EIF3K: variants seen among roughly 807,000 people sequenced by gnomAD.
EIF3K encodes eIF-3 p28.
Under a neutral mutation model 34.2 loss-of-function variants are expected in EIF3K, and 27 were observed. The ratio of observed to expected loss-of-function variants is 0.79; its 90% CI spans 0.58 to 1.09. The LOEUF (loss-of-function observed/expected upper bound fraction) is 1.09. Ranked by LOEUF, EIF3K falls within the 50% of genes least tolerant of loss-of-function variation. EIF3K has a pLI of 0.00. For synonymous variants in EIF3K, 105 were observed against 105.7 expected (o/e 0.99, Z 0.04); for missense variants, 232 against 275.4 (o/e 0.84, Z 1.11).
intron 7 of EIF3K, 50 bp from the exon 8 acceptor site, chr19:38,636,810 ATTGTGGGTGCTGTAGCAGGTGGCTGGAGG>A: frequency 6.5e-7 from 1 of 1,536,544 alleles, no homozygotes; most frequent in Non-Finnish European, 9.0e-7. Context: ...CCCCTAAAGA[ATTGTGGGTGCTGTAGCAGGTGGCTGGAGG>A]TTTGTCTCCC....
intron 4 of EIF3K, among the ~76,000 whole-genome samples, chr19:38,626,623 G>T (rs1019192792): frequency 1.3e-5 from 2 of 152,174 alleles, no homozygotes; most frequent in African/African-American, 4.8e-5. Flanking sequence ...GGGCAACAGA[G>T]CAAGACCCTG....
chr19:38,630,244 C>G (rs1418873281), intron 4 of EIF3K, among the ~76,000 whole-genome samples: 1 of 150,776 alleles, frequency 6.6e-6, no homozygotes, highest in East Asian at 1.9e-4. Flanking sequence ...ACCTCTGCCT[C>G]CCAGGTTCAA....
In EIF3K at chr19:38,632,676, C is replaced by T. The variant is rs375272283; in HGVS notation, c.497C>T (p.Ser166Leu). The T allele has an allele frequency of 4.9e-5, 79 of 1,611,522 alleles. No individual in the cohort carries two copies. The highest frequency in any genetic ancestry group is 5.9e-5 in the Non-Finnish European group (70 of 1,178,784). ...WLLAEMLGDL[S>L]DSQLKVWMSK... ...CTGGCCGAGATGCTCGGGGATCTGT[C>T]GGGTAACGCCCTCTGGGTCCTGGTG... The change falls in exon 6 of 8, where the codon TCG (serine) becomes TTG (leucine). Residue 166 changes from serine (S) to leucine (L), a missense_variant and splice_region_variant. Ser to Leu is a moderately radical substitution (Grantham distance 145, BLOSUM62 -2). Transcript: ENST00000248342.
chr19:38,636,884 C>A lies in EIF3K; in HGVS notation c.626-5C>A. On this transcript the variant is annotated splice_polypyrimidine_tract_variant and splice_region_variant and intron_variant, in intron 7 of 7. Coordinates refer to ENST00000248342, the MANE Select transcript of EIF3K (RefSeq NM_013234.4). ...ACCTTCAGTCTGGTCTCTCCTTCCC[C>A]ACAGGTGTGTCCAGCATCATGGCCT... 5 of 1,614,130 alleles carry A rather than the reference C, an allele frequency of 3.1e-6. No homozygotes were observed. The highest frequency in any genetic ancestry group is 3.4e-6 in the Non-Finnish European group (4 of 1,180,014).
intron 3 of EIF3K, among the ~76,000 whole-genome samples, chr19:38,625,720 G>A (rs149219415): frequency 5.6e-4 from 85 of 151,886 alleles, no homozygotes; most frequent in African/African-American, 2.0e-3. Context: ...ATGTTGGCCA[G>A]GCTGGTGTCG....
intron 6 of EIF3K, among the ~76,000 whole-genome samples, chr19:38,634,591 C>T (rs1447407829): frequency 6.6e-6 from 1 of 151,294 alleles, no homozygotes; most frequent in Non-Finnish European, 1.5e-5. Flanking sequence ...AGAGCAAAAA[C>T]TCCGTCTCAA....
At position 38,620,326 on chromosome 19, in the gene EIF3K, T is replaced by G. The variant is rs2232998; in HGVS notation, c.60-11T>G. 2.9e-3 allele frequency: 4,653 copies of G among 1,612,894 alleles called. 139 individuals are homozygous for G. In the African/African-American group the frequency reaches 0.056, roughly 19 times the overall value. On this transcript the variant is annotated splice_polypyrimidine_tract_variant and intron_variant, in intron 1 of 7. Coordinates refer to ENST00000248342, the MANE Select transcript of EIF3K (RefSeq NM_013234.4). Reference sequence around the variant, plus strand: ...TCTCCTCTGTGCTCACCTATCTTGATTCTCCTTTAGGTACAATCCTGAGAA... The same window carrying G: ...TCTCCTCTGTGCTCACCTATCTTGAGTCTCCTTTAGGTACAATCCTGAGAA...
At chr19:38,633,420 C>T (rs950734783) in intron 6 of EIF3K, among the ~76,000 whole-genome samples, 14 of 152,144 alleles carry the variant, frequency 9.2e-5, no homozygotes, top group African/African-American at 1.2e-4. Context: ...TAAGGAAGGC[C>T]GGGTGCGGTG....
Position 38,626,114 on chromosome 19 carries a change from G to A in EIF3K, c.354+12G>A, listed in dbSNP as rs773032039. The A allele has an allele frequency of 3.7e-6, 6 of 1,613,500 alleles. No homozygotes were observed. The highest frequency in any genetic ancestry group is 3.3e-5 in the South Asian group (3 of 91,068). On this transcript the variant is annotated intron_variant, in intron 4 of 7. Coordinates refer to ENST00000248342, the MANE Select transcript of EIF3K (RefSeq NM_013234.4). ...TCCAGGCCTTCTGGGTAACTTCCCT[G>A]GGGTCCAGGGGCAGGGGAGATGGCA...
intron 2 of EIF3K, among the ~76,000 whole-genome samples, chr19:38,621,809 T>C (rs1466081265): frequency 1.3e-5 from 2 of 152,176 alleles, no homozygotes; most frequent in African/African-American, 4.8e-5. Flanking sequence ...CTGCAGTTTG[T>C]TGTCATGGAT....
At chr19:38,625,906 A>C (rs895348381) in intron 3 of EIF3K, 122 bp from the exon 4 acceptor site, 25 of 903,880 alleles carry the variant, frequency 2.8e-5, no homozygotes, top group Non-Finnish European at 4.4e-5. Flanking sequence ...TTCCTTTTCC[A>C]GCTGTTTTTC....
At chr19:38,624,048 G>T (rs757010850) in intron 2 of EIF3K, 29 bp from the exon 3 acceptor site, 1 of 1,613,780 alleles carries the variant, frequency 6.2e-7, no homozygotes, top group Admixed American at 1.7e-5. Context: ...AGGTGCCACT[G>T]TGGCCACGTC....
chr19:38,632,693 G>C lies in EIF3K; in HGVS notation c.499+15G>C, dbSNP rs1191392846. 6.2e-7 allele frequency: 1 copy of C among 1,604,826 alleles called. No individual in the cohort carries two copies. Among genetic ancestry groups the C allele is most frequent in the East Asian group, 2.2e-5 (1 of 44,828 alleles). On this transcript the variant is annotated intron_variant, in intron 6 of 7. Coordinates refer to ENST00000248342, the MANE Select transcript of EIF3K (RefSeq NM_013234.4). ...GGATCTGTCGGGTAACGCCCTCTGG[G>C]TCCTGGTGCACATCTGGGAGGTTGG...
Position 38,628,098 on chromosome 19 carries a change from T to G in EIF3K, c.354+1996T>G, listed in dbSNP as rs528121334. ...TTTGTATTTTTAGTAGAGACGGGGT[T>G]TCACCATGTTGGCCAGGCTGGTCTC... On this transcript the variant is annotated intron_variant, in intron 4 of 7. Transcript: ENST00000248342. Among the ~76,000 whole-genome samples the G allele has an allele frequency of 9.1e-4, 139 of 152,070 alleles. 1 individual carries two copies. The highest frequency in any genetic ancestry group is 5.6e-3 in the Admixed American group (85 of 15,266).
intron 4 of EIF3K, among the ~76,000 whole-genome samples, chr19:38,626,949 C>T (rs188542657): frequency 7.9e-5 from 12 of 152,172 alleles, no homozygotes; most frequent in African/African-American, 2.6e-4. Context: ...TACAGGCACA[C>T]GCCATCATGC....
chr19:38,627,905 C>CTT (rs60551864), intron 4 of EIF3K, among the ~76,000 whole-genome samples: 1 of 140,248 alleles, frequency 7.1e-6, no homozygotes, highest in Admixed American at 7.2e-5. Flanking sequence ...ATTTTCTTTC[C>CTT]TTTTTTTTTT....
intron 4 of EIF3K, among the ~76,000 whole-genome samples, chr19:38,626,661 T>G (rs1975957804): frequency 6.6e-6 from 1 of 152,164 alleles, no homozygotes; most frequent in Non-Finnish European, 1.5e-5. Context: ...TCTCCGTCTC[T>G]TCTACCTGTC....
In EIF3K at chr19:38,632,658, A is replaced by G. The variant is rs1423664110; in HGVS notation, c.479A>G (p.Glu160Gly). The G allele has an allele frequency of 1.9e-6, 3 of 1,613,398 alleles. No individual in the cohort carries two copies. The African/African-American group carries it at 4.0e-5, about 22-fold the overall frequency. The change falls in exon 6 of 8, where the codon GAG (glutamate) becomes GGG (glycine). Residue 160 changes from glutamate (E) to glycine (G), a missense_variant. Coordinates refer to ENST00000248342, the MANE Select transcript of EIF3K (RefSeq NM_013234.4). ...CACATTGACCGCTGGCTGCTGGCCGAGATGCTCGGGGATCTGTCGGGTAAC... is the reference window on the plus strand; with the variant it reads ...CACATTGACCGCTGGCTGCTGGCCGGGATGCTCGGGGATCTGTCGGGTAAC... ...YQHIDRWLLA[E>G]MLGDLSDSQL... is the part of the protein sequence containing the mutation.
intron 4 of EIF3K, among the ~76,000 whole-genome samples, chr19:38,631,455 TACACATAA>T (rs1336349430): frequency 6.6e-6 from 1 of 152,188 alleles, no homozygotes; most frequent in Non-Finnish European, 1.5e-5. Flanking sequence ...TTGATGTGCA[TACACATAA>T]ACATCTCAAT....
Sources: allele counts gnomAD v4.1 joint callset (sites outside exome capture counted in the v4.1 genomes callset), GRCh38; gene constraint gnomAD v4.1.1; transcripts MANE v1.5; gene names NCBI Gene and HGNC (gene_info 2026-07-23, HGNC 2026-07-21).